The following TLK1 variants were observed in gnomAD, a reference collection of about 807,000 sequenced individuals.
The protein encoded by TLK1 is tousled like kinase 1.
TLK1 carries 24 observed loss-of-function variants against 105.3 expected under a neutral mutation model. That is an observed-to-expected ratio of 0.23 (90% CI 0.17 to 0.32). The LOEUF (loss-of-function observed/expected upper bound fraction) is 0.32. Ranked by LOEUF, TLK1 falls within the 10% of genes least tolerant of loss-of-function variation. The pLI, the probability that TLK1 is intolerant of heterozygous loss-of-function variation, is 1.00. For missense variants in TLK1, 558 were observed against 910.5 expected, an observed-to-expected ratio of 0.61 and a Z score of 4.98; for synonymous variants, 321 against 310.4, an observed-to-expected ratio of 1.03 and a Z score of -0.36.
chr2:171,120,873 C>A (rs190895293), intron 1 of TLK1, among the ~76,000 whole-genome samples: 2 of 152,064 alleles, frequency 1.3e-5, no homozygotes, highest in Non-Finnish European at 2.9e-5. Flanking sequence ...TTCACATTAG[C>A]CTAAAGGTAG....
chr2:171,212,418 A>G (rs1693635334), intron 1 of TLK1, among the ~76,000 whole-genome samples: 2 of 151,956 alleles, frequency 1.3e-5, no homozygotes, highest in African/African-American at 2.4e-5. Context: ...ATCTGGTAAT[A>G]GGTCCTTGAT....
rs773192440 is a variant in TLK1, at chr2:171,160,447, C to A, written c.-19G>T. On this transcript the variant is annotated 5_prime_UTR_variant, in exon 1 of 21. Coordinates refer to ENST00000431350, the MANE Select transcript of TLK1 (RefSeq NM_012290.5). This position sits in a 1 kb window ranked among gnomAD's most constrained non-coding sequence, Gnocchi z 4.4. ...CACTCATCAAGCTACTTTCTGGGAA[C>A]CCGACTCCCCCCCTGCGACGGCAGC... The A allele has an allele frequency of 4.4e-6, 7 of 1,587,416 alleles. No homozygotes were observed. The highest frequency in any genetic ancestry group is 3.6e-5 in the Admixed American group (2 of 56,318).
At chr2:171,170,848 C>G (rs1018058209) in intron 1 of TLK1, among the ~76,000 whole-genome samples, 1 of 152,156 alleles carries the variant, frequency 6.6e-6, no homozygotes, top group Admixed American at 6.5e-5. Flanking sequence ...CAATGAAGTA[C>G]TACTTTTCAT....
Position 171,095,953 on chromosome 2 carries a change from G to T in TLK1, c.259-13101C>A, listed in dbSNP as rs543130650. ...CTGGCAGCTTTTCCTCTAAGATCAG[G>T]AACAAGACAAGTAAGCCCATTCTCA... On this transcript the variant is annotated intron_variant, in intron 2 of 20. Coordinates refer to ENST00000431350, the MANE Select transcript of TLK1 (RefSeq NM_012290.5). Among the ~76,000 whole-genome samples, 16 of 151,824 alleles carry T rather than the reference G, an allele frequency of 1.1e-4. No individual in the cohort carries two copies. The East Asian group carries it at 3.1e-3, about 29-fold the overall frequency.
chr2:170,997,676 C>G, intron 19 of TLK1, 36 bp downstream of exon 19: 1 of 1,342,282 alleles, frequency 7.4e-7, no homozygotes, highest in Non-Finnish European at 1.0e-6. Flanking sequence ...CTTAATTTAT[C>G]TCTGTAGAGC....
At chr2:171,004,355 A>G (rs566168005) in intron 18 of TLK1, among the ~76,000 whole-genome samples, 3 of 148,734 alleles carry the variant, frequency 2.0e-5, no homozygotes, top group African/African-American at 7.5e-5. Context: ...TATTTATCGG[A>G]AAAAAAAAAG....
At chr2:171,043,186 G>A (rs922772025) in intron 11 of TLK1, among the ~76,000 whole-genome samples, 9 of 152,172 alleles carry the variant, frequency 5.9e-5, no homozygotes, top group African/African-American at 1.2e-4. Context: ...TTGATGCTGC[G>A]ACTGAAGAGA....
At chr2:171,161,629 C>T (rs1194850885), upstream of TLK1, among the ~76,000 whole-genome samples, 1 of 152,132 alleles carries the variant, frequency 6.6e-6, no homozygotes, top group Non-Finnish European at 1.5e-5. Flanking sequence ...AGTGGAAAAT[C>T]TAAATGAAAA....
intron 1 of TLK1, among the ~76,000 whole-genome samples, chr2:171,221,066 T>A (rs370116901): frequency 6.6e-6 from 1 of 152,070 alleles, no homozygotes; most frequent in Non-Finnish European, 1.5e-5. Context: ...AATTGGGGCT[T>A]ATATGTTAAT....
chr2:171,001,681 G>A (rs990211135), intron 18 of TLK1, among the ~76,000 whole-genome samples: 5 of 152,072 alleles, frequency 3.3e-5, no homozygotes, highest in South Asian at 2.1e-4. Context: ...AATGTCCTCC[G>A]TGGCATTTTT....
chr2:171,060,293 G>A (rs561587981), intron 4 of TLK1, among the ~76,000 whole-genome samples: 1 of 152,138 alleles, frequency 6.6e-6, no homozygotes, highest in Admixed American at 6.5e-5. Flanking sequence ...CCTGGGGGAG[G>A]CTACACTAAG....
At chr2:171,092,933 G>C (rs187830996) in intron 2 of TLK1, among the ~76,000 whole-genome samples, 1 of 152,144 alleles carries the variant, frequency 6.6e-6, no homozygotes, top group East Asian at 1.9e-4. Flanking sequence ...CAGTTCCAAA[G>C]AGCTTGCTGA....
At chr2:171,005,506 G>A (rs868618681) in intron 18 of TLK1, among the ~76,000 whole-genome samples, 1 of 152,186 alleles carries the variant, frequency 6.6e-6, no homozygotes, top group Admixed American at 6.5e-5. Context: ...AGCACTTTGG[G>A]AGAGGCAGAT....
At chr2:171,016,388 C>T (rs1685214974) in intron 12 of TLK1, among the ~76,000 whole-genome samples, 1 of 152,146 alleles carries the variant, frequency 6.6e-6, no homozygotes, top group African/African-American at 2.4e-5. Flanking sequence ...CCTGCTTCAG[C>T]CTCTCAAAGT....
intron 1 of TLK1, among the ~76,000 whole-genome samples, chr2:171,131,352 G>C (rs1207297760): frequency 6.6e-6 from 1 of 152,126 alleles, no homozygotes; most frequent in African/African-American, 2.4e-5. Flanking sequence ...ACAAATTACT[G>C]TAACTGCCAT....
chr2:171,054,459 C>T (rs888834226), intron 7 of TLK1: 7 of 152,304 alleles, frequency 4.6e-5, no homozygotes, highest in Admixed American at 2.0e-4. Context: ...AAGGAATGTA[C>T]TTCTAATCCT....
chr2:171,133,506 C>T (rs1055807611), intron 1 of TLK1, among the ~76,000 whole-genome samples: 1 of 151,966 alleles, frequency 6.6e-6, no homozygotes, highest in Non-Finnish European at 1.5e-5. Context: ...GGCTGAGGCA[C>T]GAGAACCACC....
At chr2:171,201,359 C>T (rs949810313) in intron 1 of TLK1, among the ~76,000 whole-genome samples, 2 of 152,136 alleles carry the variant, frequency 1.3e-5, no homozygotes, top group African/African-American at 2.4e-5. Flanking sequence ...TGTCATCAAT[C>T]GTTATGAAGC....
At chr2:171,131,120 G>A (rs1326702451) in intron 1 of TLK1, among the ~76,000 whole-genome samples, 1 of 151,552 alleles carries the variant, frequency 6.6e-6, no homozygotes, top group African/African-American at 2.4e-5. Flanking sequence ...TATATAGAGA[G>A]AGATACAGAG....
Sources: allele counts gnomAD v4.1 joint callset (sites outside exome capture counted in the v4.1 genomes callset), GRCh38; gene constraint gnomAD v4.1.1; non-coding constraint Gnocchi (gnomAD v3.1); transcripts MANE v1.5; gene names NCBI Gene and HGNC (gene_info 2026-07-23, HGNC 2026-07-21).